The following GNRH1 variants were observed in gnomAD, a reference collection of about 807,000 sequenced individuals.
GNRH1 encodes progonadoliberin-1.
A neutral mutation model predicts 13.6 loss-of-function variants in GNRH1; 9 were observed. The observed-to-expected ratio is 0.66, with a 90% confidence interval of 0.40 to 1.15. The LOEUF is 1.15. GNRH1 is among the 50% of genes most tolerant of loss of function. The pLI is 0.01. For missense variants in GNRH1, 116 were observed against 110.8 expected (o/e 1.05, Z -0.21); for synonymous variants, 44 against 40.1 (o/e 1.10, Z -0.37).
chr8:25,423,048 C>G, intron 2 of GNRH1, 142 bp downstream of exon 2: 2 of 757,992 alleles, frequency 2.6e-6, no homozygotes, highest in Admixed American at 3.6e-5. Context: ...AATGGGACTT[C>G]TACTTTGTAA....
chr8:25,420,109 C>G (rs1055113397), intron 3 of GNRH1, among the ~76,000 whole-genome samples: 2 of 152,044 alleles, frequency 1.3e-5, no homozygotes, highest in Admixed American at 6.6e-5. Flanking sequence ...ATGCAGTAAG[C>G]AAGATTAGAA....
chr8:25,424,793 A>T (rs1376537242), upstream of GNRH1: 1 of 152,216 alleles, frequency 6.6e-6, no homozygotes. Context: ...GACACTATAT[A>T]CCAAGTCCAT....
At position 25,423,265 on chromosome 8, in the gene GNRH1, G is replaced by A; in HGVS notation, c.66C>T (p.Ser22=). 6.2e-7 allele frequency: 1 copy of A among 1,611,792 alleles called. No homozygotes were observed. Among genetic ancestry groups the A allele is most frequent in the Non-Finnish European group, 8.5e-7 (1 of 1,177,856 alleles). ...ILLTWCVEGC[S]SQHWSYGLRP... ...GCAGTCCATAGGACCAGTGCTGGCT[G>A]GAGCAGCCTTCCACGCACCAAGTCA... Residue 22 remains serine, a synonymous_variant, in exon 2 of 4, where the codon TCC becomes TCT. Transcript: ENST00000421054.
chr8:25,424,011 A>AT (rs1490164429), intron 1 of GNRH1, 190 bp downstream of exon 1: 3 of 152,704 alleles, frequency 2.0e-5, no homozygotes, highest in African/African-American at 7.2e-5. Flanking sequence ...ACACTGGTCG[A>AT]TAAGCTGTGG....
chr8:25,423,585 T>G (rs568479673), intron 1 of GNRH1: 24 of 492,676 alleles, frequency 4.9e-5, no homozygotes, highest in Admixed American at 3.1e-4. Flanking sequence ...TAGTCTATAC[T>G]TTTATTTTTA....
chr8:25,419,379 A>ATTATACTGACT lies in GNRH1; in HGVS notation c.*39_*40insAGTCAGTATAA. ...ATTTTCAATGTCAGAATTATACTTA[A>ATTATACTGACT]GTCATGTTAGTAATGGTCATTCCTT... On this transcript the variant is annotated 3_prime_UTR_variant, in exon 4 of 4. Coordinates refer to ENST00000421054, the MANE Select transcript of GNRH1 (RefSeq NM_001083111.2). 9.4e-7 allele frequency: 1 copy of ATTATACTGACT among 1,067,620 alleles called. No homozygotes were observed. The highest frequency in any genetic ancestry group is 1.5e-6 in the Non-Finnish European group (1 of 680,724). 66.1% of individuals were successfully genotyped at this position (1,067,620 alleles called of 1,614,324 possible). A position where few individuals can be genotyped will look rare whatever the true frequency, so the allele number is the denominator to read the frequency against.
At chr8:25,424,158 AAAG>A (rs1429222353) in intron 1 of GNRH1, 40 bp downstream of exon 1, 4 of 152,196 alleles carry the variant, frequency 2.6e-5, no homozygotes, top group African/African-American at 9.7e-5. Context: ...CATGCAATCT[AAAG>A]AAGAAAAACT....
upstream of GNRH1, among the ~76,000 whole-genome samples, chr8:25,424,834 T>G (rs553040698): frequency 1.3e-5 from 2 of 152,322 alleles, no homozygotes; most frequent in South Asian, 4.1e-4. Context: ...GTTGTGTGTT[T>G]GAAAATTCCC....
upstream of GNRH1, among the ~76,000 whole-genome samples, chr8:25,424,867 G>A (rs1801822391): frequency 6.6e-6 from 1 of 152,176 alleles, no homozygotes; most frequent in South Asian, 2.1e-4. Flanking sequence ...CAGGTTCCCT[G>A]CTTGACTTAC....
chr8:25,421,483 T>C, intron 3 of GNRH1, 90 bp downstream of exon 3: 1 of 701,416 alleles, frequency 1.4e-6, no homozygotes. Context: ...CCCCACAGTA[T>C]CTGGGAGGTA....
chr8:25,423,757 A>G, intron 1 of GNRH1: 1 of 223,888 alleles, frequency 4.5e-6, no homozygotes, highest in Non-Finnish European at 8.9e-6. Flanking sequence ...ATCTCTGGCT[A>G]ATATAAAATT....
chr8:25,421,897 A>G (rs2117368387), intron 2 of GNRH1, among the ~76,000 whole-genome samples: 1 of 152,134 alleles, frequency 6.6e-6, no homozygotes, highest in East Asian at 1.9e-4. Context: ...AGAAGATATC[A>G]TATTTTCCCC....
rs6185 is a variant in GNRH1, at chr8:25,423,284, C to A, written c.47G>T (p.Trp16Leu). The change falls in exon 2 of 4, where the codon TGG (tryptophan) becomes TTG (leucine). Residue 16 changes from tryptophan to leucine, a missense_variant. By Grantham distance (61) the Trp-to-Leu change is moderately conservative. Transcript: ENST00000421054. ...KLLAGLILLT[W>L]CVEGCSSQHW... ...CTGGCTGGAGCAGCCTTCCACGCAC[C>A]AAGTCAGTAGAATAAGGCCAGCTAG... 1.2e-6 allele frequency: 2 copies of A among 1,611,378 alleles called. No individual in the cohort carries two copies. Among genetic ancestry groups the A allele is most frequent in the East Asian group, 4.5e-5 (2 of 44,842 alleles).
chr8:25,424,421 TG>T (rs2117371142), upstream of GNRH1: 1 of 152,214 alleles, frequency 6.6e-6, no homozygotes, highest in African/African-American at 2.4e-5. Context: ...TGTATGTAAT[TG>T]GAACACCCCC....
chr8:25,421,810 G>A (rs908838216), intron 2 of GNRH1, 142 bp from the exon 3 acceptor site: 2 of 644,706 alleles, frequency 3.1e-6, no homozygotes, highest in African/African-American at 3.6e-5. Flanking sequence ...GATTAGCATA[G>A]GGACTTTAAG....
intron 2 of GNRH1, among the ~76,000 whole-genome samples, 162 bp downstream of exon 2, chr8:25,423,028 T>C (rs905849825): frequency 1.3e-5 from 2 of 152,220 alleles, no homozygotes; most frequent in African/African-American, 4.8e-5. Context: ...CTGTGTGAAC[T>C]GAAAGTAGGA....
chr8:25,424,442 T>C (rs1253488870), upstream of GNRH1: 3 of 152,048 alleles, frequency 2.0e-5, no homozygotes, highest in Non-Finnish European at 4.4e-5. Flanking sequence ...CTGGTATATC[T>C]GTTAGATTTA....
chr8:25,421,574 A>G lies in GNRH1; in HGVS notation c.236T>C (p.Leu79Pro). The change falls in exon 3 of 4, where the codon CTG (leucine) becomes CCG (proline). Residue 79 changes from leucine (L) to proline (P), a missense_variant and splice_region_variant. Physicochemically the swap from Leu to Pro is moderately conservative, Grantham distance 98. Transcript: ENST00000421054. ...CATGTTATGATCACTTTAACTTACCAGAGCTCCTTTCAGGTCTCGGAGGGG... is the reference window on the plus strand; with the variant it reads ...CATGTTATGATCACTTTAACTTACCGGAGCTCCTTTCAGGTCTCGGAGGGG... ...RSPLRDLKGA[L>P]ESLIEEETGQ... 6.6e-7 allele frequency: 1 copy of G among 1,523,436 alleles called. No individual in the cohort carries two copies. The highest frequency in any genetic ancestry group is 2.0e-4 in the Middle Eastern group (1 of 4,922). The allele number at this position is 1,523,436 out of a possible 1,614,324, so 94.4% of individuals were successfully genotyped here.
intron 3 of GNRH1, among the ~76,000 whole-genome samples, chr8:25,421,103 A>G (rs1801766483): frequency 6.6e-6 from 1 of 152,172 alleles, no homozygotes; most frequent in Admixed American, 6.5e-5. Flanking sequence ...AAGAGAAAAA[A>G]AAACCCATCT....
Sources: allele counts gnomAD v4.1 joint callset (sites outside exome capture counted in the v4.1 genomes callset), GRCh38; gene constraint gnomAD v4.1.1; transcripts MANE v1.5; gene names NCBI Gene and HGNC (gene_info 2026-07-23, HGNC 2026-07-21).